The following DIS3L2 variants were observed in gnomAD, a reference collection of about 807,000 sequenced individuals.
The protein encoded by DIS3L2 is DIS3-like exonuclease 2.
A neutral mutation model predicts 97.5 loss-of-function variants in DIS3L2; 34 were observed. That is an observed-to-expected ratio of 0.35 (90% CI 0.27 to 0.46). DIS3L2 has a LOEUF of 0.46. DIS3L2 is among the 20% of genes least tolerant of loss of function. The probability of loss-of-function intolerance (pLI) is 1.00; values close to 1 mark genes in which losing one functional copy is unlikely to be tolerated. For missense variants in DIS3L2, 1,038 were observed against 1,146.0 expected (o/e 0.91, Z 1.36); for synonymous variants, 435 against 445.2 (o/e 0.98, Z 0.29).
At chr2:232,086,327 G>A (rs564223095) in intron 5 of DIS3L2, among the ~76,000 whole-genome samples, 5 of 144,954 alleles carry the variant, frequency 3.4e-5, no homozygotes, top group African/African-American at 1.3e-4. Flanking sequence ...ATATGCATAT[G>A]CATATGTATA....
chr2:232,209,049 A>T (rs777867021), intron 9 of DIS3L2, among the ~76,000 whole-genome samples: 4 of 152,154 alleles, frequency 2.6e-5, no homozygotes, highest in Non-Finnish European at 5.9e-5. Context: ...CTTAAAATTA[A>T]TGTATATATT....
chr2:232,075,344 A>T (rs1030259009), intron 5 of DIS3L2, among the ~76,000 whole-genome samples: 1 of 152,218 alleles, frequency 6.6e-6, no homozygotes, highest in African/African-American at 2.4e-5. Context: ...GTGCAATAGA[A>T]TGTGAAGATT....
chr2:232,214,706 G>T (rs1009791889), intron 10 of DIS3L2, among the ~76,000 whole-genome samples: 18 of 152,174 alleles, frequency 1.2e-4, no homozygotes, highest in African/African-American at 4.3e-4. Context: ...TTATTGGGCA[G>T]GACTGGGTTC....
At chr2:232,175,556 A>G (rs1451896754) in intron 9 of DIS3L2, among the ~76,000 whole-genome samples, 1 of 152,000 alleles carries the variant, frequency 6.6e-6, no homozygotes, top group East Asian at 1.9e-4. Flanking sequence ...TTTGGGGTAT[A>G]GTTTTTTTTC....
chr2:232,165,382 T>C (rs10187186), intron 9 of DIS3L2, among the ~76,000 whole-genome samples: 6,984 of 152,214 alleles, frequency 0.046, 532 homozygotes, highest in African/African-American at 0.16. Context: ...CGTATACACA[T>C]CAAAGTATAT....
chr2:232,334,631 G>A lies in DIS3L2; in HGVS notation c.2290G>A (p.Glu764Lys). 6.2e-7 allele frequency: 1 copy of A among 1,606,954 alleles called. No homozygotes were observed. Residue 764 changes from glutamate to lysine, a missense_variant and splice_region_variant, in exon 19 of 21, where the codon GAG becomes AAG. Glu to Lys is a moderately conservative substitution (Grantham distance 56). This residue lies in a region of DIS3L2 where 221 missense variants were observed against 246.9 expected (regional missense o/e 0.90). Transcript: ENST00000325385. The part of the protein sequence containing the change: ...TSLFFAVLVK[E>K]SGPLESEAMV... ...CATGGCTGCAGCACTGTCCCTGCAG[G>A]AGAGTGGCCCCCTGGAGTCAGAAGC...
At chr2:232,110,064 A>G (rs887756764) in intron 6 of DIS3L2, among the ~76,000 whole-genome samples, 1 of 152,216 alleles carries the variant, frequency 6.6e-6, no homozygotes, top group African/African-American at 2.4e-5. Flanking sequence ...ACCCTTCTCA[A>G]AAGAAGACAT....
intron 6 of DIS3L2, among the ~76,000 whole-genome samples, chr2:232,103,203 A>G (rs1312705823): frequency 6.6e-6 from 1 of 152,112 alleles, no homozygotes; most frequent in East Asian, 1.9e-4. Context: ...GTGTAAAATA[A>G]TTTTGTCTTT....
chr2:232,271,513 T>C (rs974402005), intron 13 of DIS3L2, among the ~76,000 whole-genome samples: 4 of 152,362 alleles, frequency 2.6e-5, no homozygotes, highest in African/African-American at 4.8e-5. Context: ...CATTTAAACA[T>C]TGACGACTTA....
intron 14 of DIS3L2, among the ~76,000 whole-genome samples, chr2:232,317,023 C>T (rs1695294834): frequency 6.6e-6 from 1 of 152,202 alleles, no homozygotes; most frequent in Non-Finnish European, 1.5e-5. Context: ...ATCCTTAAGG[C>T]AGCATTAGCC....
chr2:232,326,929 A>G (rs11885470), intron 14 of DIS3L2, among the ~76,000 whole-genome samples: 16,812 of 151,996 alleles, frequency 0.11, 1,214 homozygotes, highest in African/African-American at 0.23. Flanking sequence ...GTCCAGGGAG[A>G]GCAGGTAGCG....
At chr2:232,184,721 G>A (rs1276161824) in intron 9 of DIS3L2, among the ~76,000 whole-genome samples, 1 of 152,204 alleles carries the variant, frequency 6.6e-6, no homozygotes, top group Admixed American at 6.5e-5. Flanking sequence ...CCTAAGATTA[G>A]TAGTGTTGGG....
chr2:232,079,661 G>C (rs531500995), intron 5 of DIS3L2, among the ~76,000 whole-genome samples: 1 of 148,724 alleles, frequency 6.7e-6, no homozygotes, highest in East Asian at 2.0e-4. Context: ...TAAGGGGCTA[G>C]AGAAATGATA....
chr2:232,038,582 A>G (rs1695018292), intron 5 of DIS3L2, among the ~76,000 whole-genome samples: 1 of 152,216 alleles, frequency 6.6e-6, no homozygotes, highest in African/African-American at 2.4e-5. Context: ...ATAAGCAAAC[A>G]TATGAATAAG....
chr2:232,192,831 G>A (rs1023564811), intron 9 of DIS3L2, among the ~76,000 whole-genome samples: 6 of 152,216 alleles, frequency 3.9e-5, no homozygotes, highest in Non-Finnish European at 8.8e-5. Flanking sequence ...CACTTAAGCA[G>A]AAAGGGGAAT....
chr2:232,336,145 C>CA, intron 20 of DIS3L2: 1 of 1,535,444 alleles, frequency 6.5e-7, no homozygotes. Flanking sequence ...TTCTAGGGTC[C>CA]TTTAGAGAAC....
chr2:231,971,516 C>T (rs111888380), intron 1 of DIS3L2, among the ~76,000 whole-genome samples: 7,153 of 152,018 alleles, frequency 0.047, 243 homozygotes, highest in African/African-American at 0.09. Context: ...GGCGCCATCT[C>T]GGCTCACTGC....
intron 9 of DIS3L2, among the ~76,000 whole-genome samples, chr2:232,168,581 G>A (rs763116970): frequency 6.6e-6 from 1 of 152,080 alleles, no homozygotes; most frequent in Non-Finnish European, 1.5e-5. Flanking sequence ...CATGAGTAAA[G>A]ACCCATTATT....
chr2:232,271,405 C>T (rs748191890), intron 13 of DIS3L2, among the ~76,000 whole-genome samples: 3 of 152,172 alleles, frequency 2.0e-5, no homozygotes, highest in Admixed American at 1.3e-4. Flanking sequence ...AAAACAGAAT[C>T]GCTCTGTATA....
Sources: allele counts gnomAD v4.1 joint callset (sites outside exome capture counted in the v4.1 genomes callset), GRCh38; gene constraint gnomAD v4.1.1; regional missense constraint gnomAD v4.1.1; transcripts MANE v1.5; gene names NCBI Gene and HGNC (gene_info 2026-07-23, HGNC 2026-07-21).